The following ABCA12 variants were observed in gnomAD, a reference collection of about 807,000 sequenced individuals.
ABCA12 encodes the protein glucosylceramide transporter ABCA12.
In ABCA12, 156 loss-of-function variants were observed where a neutral mutation model predicts 293.5. The observed-to-expected ratio is 0.53, with a 90% confidence interval of 0.47 to 0.61. The LOEUF (loss-of-function observed/expected upper bound fraction) is 0.61. ABCA12 is among the 20% of genes least tolerant of loss of function. ABCA12 has a pLI of 0.00. For missense variants in ABCA12, 2,797 were observed against 3,090.2 expected (o/e 0.91, Z 2.25); for synonymous variants, 1,063 against 1,108.0 (o/e 0.96, Z 0.81).
chr2:215,046,076 T>C (rs1701196566), intron 6 of ABCA12, 61 bp from the exon 7 acceptor site: 1 of 1,551,880 alleles, frequency 6.4e-7, no homozygotes, highest in African/African-American at 1.4e-5. Context: ...ATCACATGGT[T>C]TGCTGTTTTT....
chr2:214,999,809 G>A lies in ABCA12; in HGVS notation c.3179+896C>T, dbSNP rs990751440. Reference sequence around the variant, plus strand: ...TTACCTGCTTCCTCATGCTACTGTTGCACTGGGTTACATTACCTCATCTCA... The same window carrying A: ...TTACCTGCTTCCTCATGCTACTGTTACACTGGGTTACATTACCTCATCTCA... On this transcript the variant is annotated intron_variant, in intron 22 of 52. Coordinates refer to ENST00000272895, the MANE Select transcript of ABCA12 (RefSeq NM_173076.3). 30 of 984,690 alleles carry A rather than the reference G, an allele frequency of 3.0e-5. No homozygotes were observed. In the South Asian group the frequency reaches 1.4e-3, roughly 45 times the overall value. 61.0% of individuals were successfully genotyped at this position (984,690 alleles called of 1,614,324 possible).
intron 26 of ABCA12, 89 bp from the exon 27 acceptor site, chr2:214,987,882 T>C: frequency 1.3e-6 from 2 of 1,505,246 alleles, no homozygotes; most frequent in Non-Finnish European, 1.8e-6. Flanking sequence ...TATGTATGGT[T>C]TAGGAAGTAG....
At chr2:215,049,199 T>C (rs1225494222) in intron 6 of ABCA12, among the ~76,000 whole-genome samples, 1 of 152,184 alleles carries the variant, frequency 6.6e-6, no homozygotes, top group South Asian at 2.1e-4. Flanking sequence ...AATTAGCTTT[T>C]CAAACTAGGT....
chr2:214,991,090 A>G lies in ABCA12; in HGVS notation c.3295-59T>C, dbSNP rs550394991. 5.5e-6 allele frequency: 8 copies of G among 1,442,306 alleles called. 1 individual carries two copies. In the South Asian group the frequency reaches 9.2e-5, roughly 17 times the overall value. The allele number at this position is 1,442,306 out of a possible 1,614,324, so 89.3% of individuals were successfully genotyped here. On this transcript the variant is annotated intron_variant, in intron 23 of 52. Coordinates refer to ENST00000272895, the MANE Select transcript of ABCA12 (RefSeq NM_173076.3). ...GCTGATATTCTTCCAAATAAAAATTATTCCCTGTATTATGTCAAAATGTCA... is the reference window on the plus strand; with the variant it reads ...GCTGATATTCTTCCAAATAAAAATTGTTCCCTGTATTATGTCAAAATGTCA...
rs942094044 is a variant in ABCA12, at chr2:214,970,752, C to A, written c.5563-352G>T. 3.3e-5 allele frequency among the ~76,000 whole-genome samples: 5 copies of A among 151,936 alleles called. No individual in the cohort carries two copies. In the South Asian group the frequency reaches 1.0e-3, roughly 31 times the overall value. On this transcript the variant is annotated intron_variant, in intron 36 of 52. Coordinates refer to ENST00000272895, the MANE Select transcript of ABCA12 (RefSeq NM_173076.3). ...AGATGATAAAATTTCCTCAATAATTCTCAAGGAAGGAAAAAAATATTTGCC... is the reference window on the plus strand; with the variant it reads ...AGATGATAAAATTTCCTCAATAATTATCAAGGAAGGAAAAAAATATTTGCC...
At position 215,004,268 on chromosome 2, in the gene ABCA12, A is replaced by G; in HGVS notation, c.2624T>C (p.Phe875Ser). 1 of 1,613,812 alleles carries G rather than the reference A, an allele frequency of 6.2e-7. No homozygotes were observed. The highest frequency in any genetic ancestry group is 8.5e-7 in the Non-Finnish European group (1 of 1,179,948). ...NTLRNPFVQVFVKFSVGLDAV... is the reference protein window; with the variant it reads ...NTLRNPFVQVSVKFSVGLDAV... ...ATCGAGTCCCACGGAGAACTTTACAAAAACTTGCACAAAAGGGTTCCTTAG... is the reference window on the plus strand; with the variant it reads ...ATCGAGTCCCACGGAGAACTTTACAGAAACTTGCACAAAAGGGTTCCTTAG... The change falls in exon 20 of 53, where the codon TTT (phenylalanine) becomes TCT (serine). Residue 875 changes from phenylalanine (F) to serine (S), a missense_variant. Physicochemically the swap from Phe to Ser is radical, Grantham distance 155. Coordinates refer to ENST00000272895, the MANE Select transcript of ABCA12 (RefSeq NM_173076.3).
At chr2:214,999,287 C>T (rs1700095149) in intron 22 of ABCA12, among the ~76,000 whole-genome samples, 1 of 152,140 alleles carries the variant, frequency 6.6e-6, no homozygotes, top group Admixed American at 6.5e-5. Context: ...ATGTTTCTTC[C>T]AAGTGATAGT....
At chr2:215,107,004 T>C (rs908311563) in intron 2 of ABCA12, among the ~76,000 whole-genome samples, 1 of 152,218 alleles carries the variant, frequency 6.6e-6, no homozygotes, top group African/African-American at 2.4e-5. Flanking sequence ...CTTAATGTAA[T>C]GTATGGTCAT....
intron 1 of ABCA12, among the ~76,000 whole-genome samples, chr2:215,122,812 T>C (rs1559206892): frequency 2.0e-5 from 3 of 152,180 alleles, no homozygotes. Context: ...AATTTGCGAT[T>C]TGGGGGTACA....
At chr2:215,076,393 G>A (rs1007279675) in intron 2 of ABCA12, among the ~76,000 whole-genome samples, 23 of 152,120 alleles carry the variant, frequency 1.5e-4, no homozygotes, top group African/African-American at 5.6e-4. Flanking sequence ...ATAGCAATTA[G>A]TATTTGCTTT....
At chr2:215,051,565 G>T (rs1205822490) in intron 5 of ABCA12, among the ~76,000 whole-genome samples, 1 of 148,506 alleles carries the variant, frequency 6.7e-6, no homozygotes. Context: ...TCAGATAAAA[G>T]AAATGGTTGC....
chr2:215,091,471 G>T (rs1239224560), intron 2 of ABCA12, among the ~76,000 whole-genome samples: 1 of 152,182 alleles, frequency 6.6e-6, no homozygotes, highest in Non-Finnish European at 1.5e-5. Context: ...TTAGTGTTTA[G>T]GCTCTTTTTC....
chr2:215,007,584 G>C, intron 19 of ABCA12, 143 bp downstream of exon 19: 3 of 1,067,476 alleles, frequency 2.8e-6, no homozygotes, highest in Non-Finnish European at 2.8e-6. Context: ...CAGTTACCCT[G>C]TCTCAGACCT....
intron 1 of ABCA12, among the ~76,000 whole-genome samples, chr2:215,135,675 T>C (rs1703210499): frequency 6.6e-6 from 1 of 152,256 alleles, no homozygotes; most frequent in South Asian, 2.1e-4. Context: ...ACTCTTCTCC[T>C]CAAATTCATA....
chr2:215,134,646 CAG>C (rs71399174), intron 1 of ABCA12, among the ~76,000 whole-genome samples: 9,141 of 92,896 alleles, frequency 0.098, 1,563 homozygotes, highest in African/African-American at 0.31. Context: ...GAGAGACAAA[CAG>C]AGAGAGAGAG....
chr2:214,932,471 A>C lies in ABCA12; in HGVS notation c.*163T>G. 1.5e-6 allele frequency: 1 copy of C among 655,596 alleles called. No individual in the cohort carries two copies. The highest frequency in any genetic ancestry group is 2.5e-5 in the Admixed American group (1 of 40,122). 40.6% of individuals were successfully genotyped at this position (655,596 alleles called of 1,614,324 possible). A position where few individuals can be genotyped will look rare whatever the true frequency, so the allele number is the denominator to read the frequency against. On this transcript the variant is annotated 3_prime_UTR_variant, in exon 53 of 53. Transcript: ENST00000272895. The stretch of plus-strand genomic sequence containing the variant: ...AACACTCACTGACCTTAGAAGGAAA[A>C]ATTTCCTTTTATAATTACTTGTTAG...
intron 2 of ABCA12, among the ~76,000 whole-genome samples, chr2:215,089,208 C>T (rs1179021187): frequency 6.7e-6 from 1 of 150,330 alleles, no homozygotes; most frequent in Non-Finnish European, 1.5e-5. Flanking sequence ...TTTTTTTTTC[C>T]CAGGCCTTAT....
intron 2 of ABCA12, chr2:215,075,606 T>C: frequency 1.4e-6 from 1 of 690,310 alleles, no homozygotes; most frequent in East Asian, 2.7e-5. Context: ...GTGTTCCAAG[T>C]AGAAGAATCC....
At chr2:215,109,336 A>G (rs1055508784) in intron 2 of ABCA12, among the ~76,000 whole-genome samples, 2 of 152,150 alleles carry the variant, frequency 1.3e-5, no homozygotes, top group East Asian at 1.9e-4. Context: ...CCTATCCCAC[A>G]TGATTGAATT....
Sources: allele counts gnomAD v4.1 joint callset (sites outside exome capture counted in the v4.1 genomes callset), GRCh38; gene constraint gnomAD v4.1.1; transcripts MANE v1.5; gene names NCBI Gene and HGNC (gene_info 2026-07-23, HGNC 2026-07-21).